The following ST6GALNAC1 variants were observed in gnomAD, a reference collection of about 807,000 sequenced individuals.
The protein encoded by ST6GALNAC1 is ST6 N-acetylgalactosaminide alpha-2,6-sialyltransferase 1.
Under a neutral mutation model 56.8 loss-of-function variants are expected in ST6GALNAC1, and 45 were observed. The ratio of observed to expected loss-of-function variants is 0.79; its 90% CI spans 0.62 to 1.02. The LOEUF is 1.02. Among genes scored for constraint, ST6GALNAC1 ranks in the 50% least tolerant of loss-of-function variants. The probability of loss-of-function intolerance (pLI) is 0.00; values close to 1 mark genes in which losing one functional copy is unlikely to be tolerated. For synonymous variants in ST6GALNAC1, 295 were observed against 297.8 expected (o/e 0.99, Z 0.10); for missense variants, 743 against 754.8 (o/e 0.98, Z 0.18).
chr17:76,640,220 C>T (rs575242035), intron 1 of ST6GALNAC1, among the ~76,000 whole-genome samples: 2 of 152,220 alleles, frequency 1.3e-5, no homozygotes, highest in South Asian at 2.1e-4. Flanking sequence ...GCCCTCCCAC[C>T]GGGAAGTGCT....
At chr17:76,631,919 CAG>C (rs1186229282) in intron 1 of ST6GALNAC1, among the ~76,000 whole-genome samples, 1 of 152,200 alleles carries the variant, frequency 6.6e-6, no homozygotes, top group African/African-American at 2.4e-5. Context: ...CCACTCAACA[CAG>C]AGTGAGAAAC....
At position 76,627,520 on chromosome 17, in the gene ST6GALNAC1, G is replaced by T. The variant is rs749050876; in HGVS notation, c.895C>A (p.Pro299Thr). ...KSLWLQKLFL[P>T]NLTLFLDSRH... ...GAGTCCAGGAAGAGAGTGAGGTTGG[G>T]CAGAAAGAGTTTCTGGAGCCACAGC... The change falls in exon 3 of 9, where the codon CCC becomes ACC. Residue 299 changes from proline (P) to threonine (T), a missense_variant. Coordinates refer to ENST00000156626, the MANE Select transcript of ST6GALNAC1 (RefSeq NM_018414.5). This position sits in a 1 kb window ranked among gnomAD's most constrained non-coding sequence, Gnocchi z 4.4. 6.2e-7 allele frequency: 1 copy of T among 1,614,058 alleles called. No individual in the cohort carries two copies. The highest frequency in any genetic ancestry group is 1.3e-5 in the African/African-American group (1 of 74,922).
chr17:76,619,740 G>GGTTT, the ST6GALNAC1 span, among the ~76,000 whole-genome samples: 3 of 101,572 alleles, frequency 3.0e-5, no homozygotes, highest in African/African-American at 1.2e-4. Flanking sequence ...AATAATGTTA[G>GGTTT]TTTTTTTTTT....
At chr17:76,637,776 A>C (rs924733306) in intron 1 of ST6GALNAC1, 27 of 398,600 alleles carry the variant, frequency 6.8e-5, no homozygotes, top group Non-Finnish European at 1.2e-4. Context: ...AGTTTTCCTG[A>C]AGCTTGGTGG....
chr17:76,632,238 T>C (rs2075913581), intron 1 of ST6GALNAC1, among the ~76,000 whole-genome samples: 1 of 152,206 alleles, frequency 6.6e-6, no homozygotes, highest in South Asian at 2.1e-4. Flanking sequence ...AGAGGAATTC[T>C]GCTGAATGAC....
rs755432339 is a variant in ST6GALNAC1 at position 76,627,596 on chromosome 17, G to T, written c.832-13C>A. ...AGTCAGGGCAAGTCTATATACAGGA[G>T]GACGAAGTCAGGAAGGGAGAGACCC... On this transcript the variant is annotated splice_polypyrimidine_tract_variant and intron_variant, in intron 2 of 8. Transcript: ENST00000156626. The surrounding 1 kb of genome is among the most constrained non-coding windows in gnomAD (Gnocchi z 4.4). 1.2e-6 allele frequency: 2 copies of T among 1,612,618 alleles called. No individual in the cohort carries two copies. Among genetic ancestry groups the T allele is most frequent in the Non-Finnish European group, 1.7e-6 (2 of 1,179,362 alleles).
chr17:76,620,925 A>G (rs954247846), downstream of ST6GALNAC1, among the ~76,000 whole-genome samples: 4 of 152,068 alleles, frequency 2.6e-5, no homozygotes, highest in African/African-American at 4.8e-5. Context: ...TGTACAAGGC[A>G]TAAGTACTGT....
At chr17:76,628,973 G>A (rs1319563810) in intron 2 of ST6GALNAC1, 39 bp downstream of exon 2, 2 of 1,510,200 alleles carry the variant, frequency 1.3e-6, no homozygotes, top group Non-Finnish European at 1.8e-6. Context: ...GGGCTTCAGA[G>A]CTGGGAGCCA....
At chr17:76,643,318 C>T (rs1039918305) in intron 1 of ST6GALNAC1, among the ~76,000 whole-genome samples, 190 bp downstream of exon 1, 6 of 152,206 alleles carry the variant, frequency 3.9e-5, no homozygotes, top group African/African-American at 1.2e-4. Flanking sequence ...TGCCCACTGC[C>T]ACCCTTTCTG....
chr17:76,643,654 T>C lies in ST6GALNAC1; in HGVS notation c.-16A>G. The C allele has an allele frequency of 1.2e-6, 2 of 1,613,176 alleles. No individual in the cohort carries two copies. The highest frequency in any genetic ancestry group is 8.5e-7 in the Non-Finnish European group (1 of 1,179,518). ...AGGACCTCATGGTGGTGGGTCGGGT[T>C]CTAGAGGAAGGTTCTGCATGTCCTG... On this transcript the variant is annotated 5_prime_UTR_variant, in exon 1 of 9. Transcript: ENST00000156626.
At chr17:76,641,656 C>G (rs16969144) in intron 1 of ST6GALNAC1, among the ~76,000 whole-genome samples, 33,409 of 152,098 alleles carry the variant, frequency 0.22, 5,139 homozygotes, top group African/African-American at 0.44. Context: ...CATTCTGAGA[C>G]AACAATTCAA....
downstream of ST6GALNAC1, among the ~76,000 whole-genome samples, chr17:76,623,818 T>G (rs2075762995): frequency 6.6e-6 from 1 of 152,194 alleles, no homozygotes; most frequent in Admixed American, 6.5e-5. Flanking sequence ...CGAGTAACAC[T>G]CGGTGAGGCT....
rs1414433291 is a variant in ST6GALNAC1, at chr17:76,630,582, CCTT to C, written c.132-874_132-872del. ...CCCAGGGATCCTTCCTCCTTGAAAC[CCTT>C]CTTTTTTTTTTTTTTTTTGAGACGG... On this transcript the variant is annotated intron_variant, in intron 1 of 8. Transcript: ENST00000156626. Among the ~76,000 whole-genome samples, 25 of 149,850 alleles carry C rather than the reference CCTT, an allele frequency of 1.7e-4. No homozygotes were observed. The Admixed American group carries it at 1.7e-3, about 10-fold the overall frequency.
At chr17:76,637,192 C>T (rs1309281386) in intron 1 of ST6GALNAC1, among the ~76,000 whole-genome samples, 5 of 147,870 alleles carry the variant, frequency 3.4e-5, no homozygotes, top group Non-Finnish European at 7.4e-5. Context: ...TGTTTATCTG[C>T]TGACCTTCCC....
intron 2 of ST6GALNAC1, among the ~76,000 whole-genome samples, chr17:76,628,096 CAAA>C (rs11312067): frequency 0.012 from 835 of 69,762 alleles, 12 homozygotes; most frequent in African/African-American, 0.04. Context: ...GAGTCCATCT[CAAA>C]AAAAAAAAAA....
Position 76,639,026 on chromosome 17 carries a change from C to A in ST6GALNAC1, c.131+4482G>T, listed in dbSNP as rs534646894. Among the ~76,000 whole-genome samples, 39 of 152,304 alleles carry A rather than the reference C, an allele frequency of 2.6e-4. No individual in the cohort carries two copies. In the East Asian group the frequency reaches 7.1e-3, roughly 28 times the overall value. ...TCATTAATGCTATCCTAAACCGTTGCAATGGTCTCTAAACTATCCCCTCTA... is the reference window on the plus strand; with the variant it reads ...TCATTAATGCTATCCTAAACCGTTGAAATGGTCTCTAAACTATCCCCTCTA... On this transcript the variant is annotated intron_variant, in intron 1 of 8. Transcript: ENST00000156626.
At chr17:76,637,583 C>CA (rs1321186100) in intron 1 of ST6GALNAC1, 9 of 397,676 alleles carry the variant, frequency 2.3e-5, no homozygotes, top group African/African-American at 1.6e-4. Flanking sequence ...AAAAAAAACC[C>CA]AAAAAAAGTC....
At chr17:76,639,432 C>A (rs1025907699) in intron 1 of ST6GALNAC1, among the ~76,000 whole-genome samples, 1 of 151,936 alleles carries the variant, frequency 6.6e-6, no homozygotes, top group South Asian at 2.1e-4. Flanking sequence ...AATAATTAGC[C>A]GAGCGTGGTG....
chr17:76,639,682 CACACACACACACACTA>C, intron 1 of ST6GALNAC1, among the ~76,000 whole-genome samples: 1 of 118,550 alleles, frequency 8.4e-6, no homozygotes, highest in Non-Finnish European at 2.0e-5. Context: ...CACACACACA[CACACACACACACACTA>C]GGTGTTCTAC....
Sources: allele counts gnomAD v4.1 joint callset (sites outside exome capture counted in the v4.1 genomes callset), GRCh38; gene constraint gnomAD v4.1.1; non-coding constraint Gnocchi (gnomAD v3.1); transcripts MANE v1.5; gene names NCBI Gene and HGNC (gene_info 2026-07-23, HGNC 2026-07-21).